Variants in KIF26B observed in about 807,000 individuals in gnomAD.
KIF26B encodes the protein kinesin-like protein KIF26B.
A neutral mutation model predicts 151.2 loss-of-function variants in KIF26B; 63 were observed. The ratio of observed to expected loss-of-function variants is 0.42; its 90% CI spans 0.34 to 0.51. The LOEUF (loss-of-function observed/expected upper bound fraction) is 0.51, where lower values mean the gene tolerates loss of function less well. Ranked by LOEUF, KIF26B falls within the 20% of genes least tolerant of loss-of-function variation. The pLI, the probability that KIF26B is intolerant of heterozygous loss-of-function variation, is 0.07. For synonymous variants in KIF26B, 1,357 were observed against 1,262.1 expected, an observed-to-expected ratio of 1.08 and a Z score of -1.59; for missense variants, 2,813 against 2,913.6, an observed-to-expected ratio of 0.97 and a Z score of 0.79.
rs2044723973 is a variant in KIF26B, at chr1:245,698,436, G to A, written c.6027+128G>A. The A allele has an allele frequency of 1.2e-6, 1 of 803,068 alleles. No individual in the cohort carries two copies. Among genetic ancestry groups the A allele is most frequent in the Non-Finnish European group, 1.9e-6 (1 of 513,022 alleles). 49.7% of individuals were successfully genotyped at this position (803,068 alleles called of 1,614,324 possible). ...GCTTCCCAGCGGGCTTCTGGCATGG[G>A]TGGTGGGAAGGGGGCTTCTGTCCCA... On this transcript the variant is annotated intron_variant, in intron 13 of 14. Transcript: ENST00000407071. This position sits in a 1 kb window ranked among gnomAD's most constrained non-coding sequence, Gnocchi z 4.0.
At chr1:245,623,834 G>A (rs1435398373) in intron 9 of KIF26B, among the ~76,000 whole-genome samples, 1 of 152,178 alleles carries the variant, frequency 6.6e-6, no homozygotes, top group Admixed American at 6.5e-5. Context: ...CTGGTTCCAA[G>A]CATTTCAGAT....
intron 2 of KIF26B, among the ~76,000 whole-genome samples, chr1:245,268,487 A>C (rs1029634780): frequency 2.1e-4 from 30 of 143,238 alleles, no homozygotes; most frequent in African/African-American, 7.2e-4. Flanking sequence ...AATAATAATA[A>C]TAATAATAAT....
intron 9 of KIF26B, among the ~76,000 whole-genome samples, chr1:245,642,212 G>A (rs1352919494): frequency 6.6e-6 from 1 of 152,168 alleles, no homozygotes; most frequent in Non-Finnish European, 1.5e-5. Flanking sequence ...GCACAGGTAG[G>A]TTGTGTCCCC....
chr1:245,328,802 T>C (rs1672044708), intron 2 of KIF26B, among the ~76,000 whole-genome samples: 1 of 152,202 alleles, frequency 6.6e-6, no homozygotes, highest in Admixed American at 6.5e-5. Flanking sequence ...GGTCCAGTTG[T>C]CGCTCATCGA....
rs34401311 is a variant in KIF26B at position 245,316,840 on chromosome 1, C to CTCCCACAATCA, written c.466-49994_466-49993insTCCCACAATCA. Among the ~76,000 whole-genome samples, 915 of 151,990 alleles carry CTCCCACAATCA rather than the reference C, an allele frequency of 6.0e-3. 7 individuals are homozygous for CTCCCACAATCA. Among genetic ancestry groups the CTCCCACAATCA allele is most frequent in the African/African-American group, 0.02 (848 of 41,416 alleles). On this transcript the variant is annotated intron_variant, in intron 2 of 14. Transcript: ENST00000407071. ...TGACAAACCAGAACTAGTTCAAGGA[C>CTCCCACAATCA]CCTCACAATCACCTTCAAGGGACAA...
At position 245,572,426 on chromosome 1, in the gene KIF26B, C is replaced by T. The variant is rs182831309; in HGVS notation, c.1351-30151C>T. 2.2e-4 allele frequency among the ~76,000 whole-genome samples: 33 copies of T among 152,092 alleles called. No homozygotes were observed. The highest frequency in any genetic ancestry group is 7.5e-4 in the African/African-American group (31 of 41,484). Reference sequence around the variant, plus strand: ...GGTGGCTGGTTTGAGGGTGTGGCCCCGGGAAAGGTGGCAGGACACACTTCT... The same window carrying T: ...GGTGGCTGGTTTGAGGGTGTGGCCCTGGGAAAGGTGGCAGGACACACTTCT... On this transcript the variant is annotated intron_variant, in intron 5 of 14. Transcript: ENST00000407071. The surrounding 1 kb of genome is among the most constrained non-coding windows in gnomAD (Gnocchi z 4.2).
chr1:245,542,812 GT>G (rs1311503048), intron 5 of KIF26B, among the ~76,000 whole-genome samples: 2 of 152,194 alleles, frequency 1.3e-5, no homozygotes, highest in African/African-American at 4.8e-5. Context: ...ATGGGCTCTT[GT>G]TTTGCAAAGA....
intron 3 of KIF26B, among the ~76,000 whole-genome samples, chr1:245,384,090 G>A (rs1221124145): frequency 6.6e-6 from 1 of 152,126 alleles, no homozygotes. Flanking sequence ...GAAGTCGCAC[G>A]CTGCTCTTGG....
intron 2 of KIF26B, among the ~76,000 whole-genome samples, chr1:245,275,646 T>C (rs1362078242): frequency 6.6e-6 from 1 of 152,172 alleles, no homozygotes; most frequent in Non-Finnish European, 1.5e-5. Context: ...TTGTATACTT[T>C]TGTCTTTTAA....
At chr1:245,158,107 T>A (rs1668475379) in intron 2 of KIF26B, among the ~76,000 whole-genome samples, 1 of 152,164 alleles carries the variant, frequency 6.6e-6, no homozygotes, top group Non-Finnish European at 1.5e-5. Flanking sequence ...GAGCATCTGA[T>A]AAAGATGGAA....
At chr1:245,200,119 C>G (rs1294270873) in intron 2 of KIF26B, among the ~76,000 whole-genome samples, 1 of 152,214 alleles carries the variant, frequency 6.6e-6, no homozygotes, top group Non-Finnish European at 1.5e-5. Flanking sequence ...TCCCACACGA[C>G]TATTTCTTTA....
In KIF26B at chr1:245,688,429, G is replaced by GCA; in HGVS notation, c.5447_5448insAC (p.Gly1817ArgfsTer60). ...CATCTCGGAGCTGCTGCAGGGTGGC[G>GCA]CGGGCGCCCGGGGCTTGCAGCTGCG... On this transcript the variant is annotated frameshift_variant, in exon 12 of 15. Transcript: ENST00000407071. LOFTEE classifies it high-confidence loss of function. 1 of 1,415,466 alleles carries GCA rather than the reference G, an allele frequency of 7.1e-7. No homozygotes were observed. Among genetic ancestry groups the GCA allele is most frequent in the Non-Finnish European group, 9.2e-7 (1 of 1,090,956 alleles). The allele number at this position is 1,415,466 out of a possible 1,614,324, so 87.7% of individuals were successfully genotyped here.
intron 6 of KIF26B, 116 bp from the exon 7 acceptor site, chr1:245,607,535 G>C: frequency 2.6e-6 from 2 of 778,708 alleles, no homozygotes; most frequent in Non-Finnish European, 4.1e-6. Context: ...CAACCCACCT[G>C]GGAACACAGT....
intron 3 of KIF26B, among the ~76,000 whole-genome samples, chr1:245,374,088 A>ATT (rs1673203899): frequency 3.9e-5 from 1 of 25,686 alleles, no homozygotes; most frequent in African/African-American, 2.0e-4. Context: ...AAAAAAAAAA[A>ATT]AAAAAAATAT....
At chr1:245,390,741 C>T (rs1007395501) in intron 3 of KIF26B, among the ~76,000 whole-genome samples, 5 of 151,440 alleles carry the variant, frequency 3.3e-5, no homozygotes, top group Non-Finnish European at 7.4e-5. Context: ...TGAAAGTTTG[C>T]CACTTAAAGG....
intron 2 of KIF26B, among the ~76,000 whole-genome samples, chr1:245,209,491 T>C (rs1274476994): frequency 6.6e-6 from 1 of 151,364 alleles, no homozygotes; most frequent in Non-Finnish European, 1.5e-5. Context: ...CAGAAACACG[T>C]GTAGAAGTGG....
At chr1:245,624,319 A>G (rs550302815) in intron 9 of KIF26B, among the ~76,000 whole-genome samples, 3 of 151,702 alleles carry the variant, frequency 2.0e-5, no homozygotes, top group Non-Finnish European at 4.4e-5. Context: ...TGGCTGTACC[A>G]TATAGTAGAT....
chr1:245,302,233 G>A (rs188083172), intron 2 of KIF26B, among the ~76,000 whole-genome samples: 24 of 152,266 alleles, frequency 1.6e-4, no homozygotes, highest in African/African-American at 5.1e-4. Flanking sequence ...CAAAGCAACC[G>A]GATTATGTTT....
rs2044477870 is a variant in KIF26B at position 245,684,277 on chromosome 1, T to C, written c.2303T>C (p.Met768Thr). ...TTGCTGCGGGAGTCTCTGGGGAACA[T>C]GAACTGCCGTACCACCATGATCGCG... The part of the protein sequence containing the change: ...AMLLRESLGN[M>T]NCRTTMIAHI... The change falls in exon 11 of 15, where the codon ATG becomes ACG. Residue 768 changes from methionine (M) to threonine (T), a missense_variant. This residue lies in a region of KIF26B where 2,060 missense variants were observed against 2,088.6 expected (regional missense o/e 0.99). Transcript: ENST00000407071. The C allele has an allele frequency of 2.5e-6, 4 of 1,613,754 alleles. No homozygotes were observed. Among genetic ancestry groups the C allele is most frequent in the Admixed American group, 1.7e-5 (1 of 59,990 alleles).
Sources: gnomAD v4.1 joint callset for allele counts (sites outside exome capture counted in the v4.1 genomes callset) on GRCh38, gnomAD v4.1.1 for gene constraint, gnomAD v4.1.1 regional missense constraint, Gnocchi (gnomAD v3.1) non-coding constraint, MANE v1.5 for transcripts, NCBI Gene and HGNC (gene_info 2026-07-23, HGNC 2026-07-21) for gene names.